RASEF: variants seen among roughly 807,000 people sequenced by gnomAD.
RASEF encodes ras and EF-hand domain-containing protein.
Under a neutral mutation model 90.1 loss-of-function variants are expected in RASEF, and 68 were observed. The ratio of observed to expected loss-of-function variants is 0.75; its 90% CI spans 0.62 to 0.92. RASEF has a LOEUF of 0.92. RASEF is among the 40% of genes least tolerant of loss of function. The pLI, the probability that RASEF is intolerant of heterozygous loss-of-function variation, is 0.00. For synonymous variants in RASEF, 331 were observed against 345.2 expected, an observed-to-expected ratio of 0.96 and a Z score of 0.46; for missense variants, 949 against 937.2, an observed-to-expected ratio of 1.01 and a Z score of -0.16.
intron 16 of RASEF, among the ~76,000 whole-genome samples, chr9:82,987,536 G>C (rs1223822188): frequency 1.3e-5 from 2 of 152,164 alleles, no homozygotes; most frequent in Non-Finnish European, 2.9e-5. Context: ...GCCAACACGT[G>C]GCTGACCCAA....
chr9:82,999,393 C>A (rs1357963507), intron 12 of RASEF, among the ~76,000 whole-genome samples: 4 of 152,122 alleles, frequency 2.6e-5, no homozygotes, highest in African/African-American at 9.7e-5. Context: ...AAAACCGCAC[C>A]TCTCCCTAAA....
chr9:83,003,733 C>T (rs1388192271), intron 9 of RASEF, among the ~76,000 whole-genome samples: 1 of 152,132 alleles, frequency 6.6e-6, no homozygotes, highest in East Asian at 1.9e-4. Flanking sequence ...GTACATTATT[C>T]TTTTTATCAA....
chr9:83,144,967 A>G, the RASEF span, among the ~76,000 whole-genome samples: 6 of 152,334 alleles, frequency 3.9e-5, no homozygotes, highest in South Asian at 1.2e-3. Context: ...AAATATTAAT[A>G]TCATGGATTT....
the RASEF span, among the ~76,000 whole-genome samples, chr9:83,072,106 T>C: frequency 1.3e-5 from 2 of 152,180 alleles, no homozygotes; most frequent in Non-Finnish European, 2.9e-5. Context: ...GGATGATGTA[T>C]TTCCCACATC....
chr9:83,070,568 G>A, the RASEF span, among the ~76,000 whole-genome samples: 1 of 152,054 alleles, frequency 6.6e-6, no homozygotes, highest in Non-Finnish European at 1.5e-5. Flanking sequence ...AGTAGTATCA[G>A]TCTTCCAAAT....
chr9:83,217,710 A>G, the RASEF span, among the ~76,000 whole-genome samples: 1 of 152,180 alleles, frequency 6.6e-6, no homozygotes, highest in Non-Finnish European at 1.5e-5. Flanking sequence ...TTTTCTTTAT[A>G]AATGACCCAG....
At chr9:83,061,983 C>G (rs1830209154) in intron 1 of RASEF, among the ~76,000 whole-genome samples, 1 of 152,200 alleles carries the variant, frequency 6.6e-6, no homozygotes, top group South Asian at 2.1e-4. Context: ...ACAAAGTTTC[C>G]TTTTCTATAG....
At chr9:83,216,248 G>T in the RASEF span, among the ~76,000 whole-genome samples, 62,228 of 152,044 alleles carry the variant, frequency 0.41, 13,215 homozygotes, top group Middle Eastern at 0.53. Context: ...CCAAGACAAT[G>T]GGGAAAATGT....
intron 5 of RASEF, among the ~76,000 whole-genome samples, 196 bp downstream of exon 5, chr9:83,012,238 G>A (rs1358437981): frequency 1.3e-5 from 2 of 152,162 alleles, no homozygotes; most frequent in African/African-American, 2.4e-5. Flanking sequence ...ATAAGTAAAA[G>A]CTTTCACAAT....
At chr9:83,004,954 G>A (rs992344083) in intron 8 of RASEF, among the ~76,000 whole-genome samples, 1 of 152,084 alleles carries the variant, frequency 6.6e-6, no homozygotes, top group African/African-American at 2.4e-5. Flanking sequence ...ATCCCAATAC[G>A]ACCCTGGAAT....
At chr9:83,038,206 T>C (rs1331898440) in intron 1 of RASEF, among the ~76,000 whole-genome samples, 1 of 152,114 alleles carries the variant, frequency 6.6e-6, no homozygotes, top group Non-Finnish European at 1.5e-5. Flanking sequence ...AGAAAGTATT[T>C]TGAAAGGAGG....
intron 3 of RASEF, 128 bp downstream of exon 3, chr9:83,022,208 G>T (rs1301682436): frequency 1.0e-5 from 7 of 699,884 alleles, no homozygotes; most frequent in Non-Finnish European, 1.8e-5. Context: ...AAATTCCTTT[G>T]CTGGGAGACT....
At chr9:83,101,672 A>G in the RASEF span, among the ~76,000 whole-genome samples, 3 of 152,202 alleles carry the variant, frequency 2.0e-5, no homozygotes, top group Non-Finnish European at 4.4e-5. Context: ...CTCGTTATTC[A>G]CTGTAGTTAA....
the RASEF span, among the ~76,000 whole-genome samples, chr9:83,115,874 G>T: frequency 3.3e-5 from 5 of 150,748 alleles, no homozygotes; most frequent in African/African-American, 1.2e-4. Context: ...GAAAATATTT[G>T]CTAAATTGCT....
the RASEF span, among the ~76,000 whole-genome samples, chr9:83,189,195 CAGTG>C: frequency 6.6e-6 from 1 of 152,196 alleles, no homozygotes; most frequent in African/African-American, 2.4e-5. Flanking sequence ...GTTCTCATGA[CAGTG>C]AGTGAGTTCT....
At chr9:83,185,547 G>T in the RASEF span, among the ~76,000 whole-genome samples, 1 of 152,034 alleles carries the variant, frequency 6.6e-6, no homozygotes, top group Non-Finnish European at 1.5e-5. Flanking sequence ...ATTTCTGGTA[G>T]TGAGACTTCC....
chr9:83,107,602 T>G, the RASEF span, among the ~76,000 whole-genome samples: 70 of 152,340 alleles, frequency 4.6e-4, no homozygotes, highest in African/African-American at 1.6e-3. Context: ...TCACTAATTA[T>G]TGATAGAAGC....
chr9:83,177,099 G>T, the RASEF span, among the ~76,000 whole-genome samples: 38 of 152,002 alleles, frequency 2.5e-4, no homozygotes, highest in African/African-American at 8.5e-4. Context: ...CACAATACAA[G>T]TATATACATA....
the RASEF span, among the ~76,000 whole-genome samples, chr9:83,206,733 C>T: frequency 1.8e-4 from 28 of 152,296 alleles, no homozygotes; most frequent in African/African-American, 6.5e-4. Flanking sequence ...TCCCCAGTGG[C>T]CACGTGACAG....
Sources: gnomAD v4.1 joint callset for allele counts (sites outside exome capture counted in the v4.1 genomes callset) on GRCh38, gnomAD v4.1.1 for gene constraint, MANE v1.5 for transcripts, NCBI Gene and HGNC (gene_info 2026-07-23, HGNC 2026-07-21) for gene names.